ABCA13: variants seen among roughly 807,000 people sequenced by gnomAD.
ABCA13 encodes the protein ATP binding cassette subfamily A member 13, also known as ATP-binding cassette sub-family A member 13.
ABCA13 carries 476 observed loss-of-function variants against 478.7 expected under a neutral mutation model. The ratio of observed to expected loss-of-function variants is 0.99; its 90% CI spans 0.92 to 1.07. The LOEUF is 1.07. Ranked by LOEUF, ABCA13 falls within the 50% of genes least tolerant of loss-of-function variation. The pLI, the probability that ABCA13 is intolerant of heterozygous loss-of-function variation, is 0.00. For synonymous variants in ABCA13, 2,252 were observed against 2,158.9 expected (o/e 1.04, Z -1.20); for missense variants, 6,060 against 5,910.6 (o/e 1.03, Z -0.83).
At position 48,240,995 on chromosome 7, in the gene ABCA13, C is replaced by A; in HGVS notation, c.1191C>A (p.His397Gln). The change falls in exon 10 of 62, where the codon CAC becomes CAA. Residue 397 changes from histidine (H) to glutamine (Q), a missense_variant. Physicochemically the swap from His to Gln is conservative, Grantham distance 24 (BLOSUM62 0). Around this residue, in one of 3 missense-constraint regions of ABCA13, gnomAD observed 4,423 missense variants for 4,309.1 expected, o/e 1.03. Transcript: ENST00000435803. ...CCTGGAAGGTGGTGGAAGCTCTGCA[C>A]ACTGCACTGCTCCTGCTGAATGACA... ...SKPWKVVEAL[H>Q]TALLLLNDSL... 6.2e-7 allele frequency: 1 copy of A among 1,614,030 alleles called. No individual in the cohort carries two copies. The highest frequency in any genetic ancestry group is 8.5e-7 in the Non-Finnish European group (1 of 1,179,876).
At chr7:48,398,700 G>A (rs1817189143) in intron 38 of ABCA13, among the ~76,000 whole-genome samples, 1 of 152,130 alleles carries the variant, frequency 6.6e-6, no homozygotes, top group Non-Finnish European at 1.5e-5. Flanking sequence ...TGTAGTTAAC[G>A]TTACTACTTA....
intron 35 of ABCA13, among the ~76,000 whole-genome samples, chr7:48,381,453 A>AGTGACCCTGTGAGT (rs1248507406): frequency 2.0e-5 from 3 of 151,982 alleles, no homozygotes; most frequent in African/African-American, 7.3e-5. Flanking sequence ...TTTGTTATAA[A>AGTGACCCTGTGAGT]GTGACCCTGT....
intron 55 of ABCA13, among the ~76,000 whole-genome samples, chr7:48,554,956 A>G (rs1785658554): frequency 6.6e-6 from 1 of 151,660 alleles, no homozygotes; most frequent in Non-Finnish European, 1.5e-5. Context: ...TCCCTCATTC[A>G]GTGTGATACT....
chr7:48,580,143 A>G lies in ABCA13; in HGVS notation c.14355-81A>G, dbSNP rs111642413. ...TTAAATAAACTGCAGTGGACTTGTTATTGATGAGCCACATTTTAAAAATGG... is the reference window on the plus strand; with the variant it reads ...TTAAATAAACTGCAGTGGACTTGTTGTTGATGAGCCACATTTTAAAAATGG... On this transcript the variant is annotated intron_variant, in intron 55 of 61. Transcript: ENST00000435803. 3.2e-4 allele frequency: 455 copies of G among 1,404,024 alleles called. 1 individual carries two copies. The African/African-American group carries it at 5.8e-3, about 18-fold the overall frequency. The allele number at this position is 1,404,024 out of a possible 1,614,324, so 87.0% of individuals were successfully genotyped here. A position where few individuals can be genotyped will look rare whatever the true frequency, so the allele number is the denominator to read the frequency against.
At chr7:48,423,195 C>T (rs950770488) in intron 41 of ABCA13, among the ~76,000 whole-genome samples, 1 of 152,198 alleles carries the variant, frequency 6.6e-6, no homozygotes, top group African/African-American at 2.4e-5. Flanking sequence ...TTGCTAGTAC[C>T]TCTAGTGTTT....
At chr7:48,358,168 G>T (rs1472414495) in intron 31 of ABCA13, among the ~76,000 whole-genome samples, 1 of 113,134 alleles carries the variant, frequency 8.8e-6, no homozygotes, top group African/African-American at 3.0e-5. Context: ...AAAAAAGAAA[G>T]GACAGGACAG....
chr7:48,512,332 G>A (rs182897414), intron 51 of ABCA13, among the ~76,000 whole-genome samples: 1 of 152,146 alleles, frequency 6.6e-6, no homozygotes, highest in African/African-American at 2.4e-5. Context: ...ACAATGACTG[G>A]TACAAAATTC....
intron 1 of ABCA13, among the ~76,000 whole-genome samples, chr7:48,172,791 C>G: frequency 1.1e-5 from 1 of 89,100 alleles, no homozygotes; most frequent in Non-Finnish European, 1.9e-5. Flanking sequence ...GAGCGAGACT[C>G]CGTCTCAAAA....
intron 59 of ABCA13, among the ~76,000 whole-genome samples, chr7:48,629,167 T>C (rs1793935014): frequency 6.6e-6 from 1 of 152,204 alleles, no homozygotes; most frequent in South Asian, 2.1e-4. Context: ...TTGGCAATAT[T>C]GTGCTGTCAC....
intron 45 of ABCA13, among the ~76,000 whole-genome samples, chr7:48,479,688 C>T (rs1318033444): frequency 6.6e-6 from 1 of 152,160 alleles, no homozygotes; most frequent in East Asian, 1.9e-4. Context: ...ACTCTCTGTT[C>T]CTATGAGTTT....
intron 8 of ABCA13, among the ~76,000 whole-genome samples, chr7:48,234,646 T>A (rs946395323): frequency 2.0e-5 from 3 of 152,244 alleles, no homozygotes; most frequent in African/African-American, 7.2e-5. Context: ...GGAGTTGGAC[T>A]GGATGATCGA....
intron 24 of ABCA13, 62 bp downstream of exon 24, chr7:48,310,203 T>C: frequency 9.8e-6 from 15 of 1,529,544 alleles, no homozygotes; most frequent in Non-Finnish European, 1.3e-5. Context: ...TGGCTGCAGA[T>C]AAGTACAGTA....
chr7:48,195,509 C>G (rs145611619), intron 2 of ABCA13, among the ~76,000 whole-genome samples: 7 of 152,042 alleles, frequency 4.6e-5, no homozygotes, highest in Admixed American at 2.6e-4. Context: ...GACAGGGAGG[C>G]CTTTGACTGG....
intron 56 of ABCA13, among the ~76,000 whole-genome samples, chr7:48,581,245 T>C (rs1355428248): frequency 6.6e-6 from 1 of 152,200 alleles, no homozygotes; most frequent in African/African-American, 2.4e-5. Flanking sequence ...ACAAAACTAA[T>C]AGCCTTCGCC....
At position 48,278,749 on chromosome 7, in the gene ABCA13, A is replaced by G. The variant is rs774773048; in HGVS notation, c.7555A>G (p.Met2519Val). ...TGACCTGAGAGATCTTGCCACATCAATGGACTCCATTGTGAAACTTCTTAA... is the reference window on the plus strand; with the variant it reads ...TGACCTGAGAGATCTTGCCACATCAGTGGACTCCATTGTGAAACTTCTTAA... Reference protein sequence around the residue: ...SADLRDLATSMDSIVKLLKLV... With the variant: ...SADLRDLATSVDSIVKLLKLV... The change falls in exon 18 of 62, where the codon ATG becomes GTG. Residue 2519 changes from methionine to valine, a missense_variant. Met to Val is a conservative substitution (Grantham distance 21). Around this residue, in one of 3 missense-constraint regions of ABCA13, gnomAD observed 4,423 missense variants for 4,309.1 expected, o/e 1.03. Coordinates refer to ENST00000435803, the MANE Select transcript of ABCA13 (RefSeq NM_152701.5). The G allele has an allele frequency of 5.5e-5, 88 of 1,613,846 alleles. No individual in the cohort carries two copies. The highest frequency in any genetic ancestry group is 1.7e-4 in the Admixed American group (10 of 60,008).
chr7:48,178,899 A>G (rs886544288), intron 1 of ABCA13, among the ~76,000 whole-genome samples: 1 of 150,438 alleles, frequency 6.6e-6, no homozygotes, highest in Non-Finnish European at 1.5e-5. Flanking sequence ...AGAAAATTAC[A>G]AGATCATCAA....
chr7:48,391,223 A>G (rs1815996800), intron 37 of ABCA13, among the ~76,000 whole-genome samples: 1 of 152,168 alleles, frequency 6.6e-6, no homozygotes. Flanking sequence ...TGTTTTGCTT[A>G]TATTTAATGA....
rs759620319 is a variant in ABCA13, at chr7:48,273,845, A to T, written c.4179A>T (p.Gly1393=). The T allele has an allele frequency of 6.2e-7, 1 of 1,612,456 alleles. No individual in the cohort carries two copies. Among genetic ancestry groups the T allele is most frequent in the Admixed American group, 1.7e-5 (1 of 59,838 alleles). Residue 1393 remains glycine, a synonymous_variant, in exon 17 of 62, where the codon GGA becomes GGT. Coordinates refer to ENST00000435803, the MANE Select transcript of ABCA13 (RefSeq NM_152701.5). ...SSENTISSLK[G]CIVWLDVINH... The stretch of plus-strand genomic sequence containing the variant: ...AGAACACAATTAGCAGTCTGAAAGG[A>T]TGCATTGTATGGTTAGATGTCATAA...
At chr7:48,401,063 T>C (rs1817537083) in intron 38 of ABCA13, among the ~76,000 whole-genome samples, 1 of 152,186 alleles carries the variant, frequency 6.6e-6, no homozygotes, top group Non-Finnish European at 1.5e-5. Context: ...GTGCTAGTGG[T>C]TAAATGCAGT....
Sources: allele counts gnomAD v4.1 joint callset (sites outside exome capture counted in the v4.1 genomes callset), GRCh38; gene constraint gnomAD v4.1.1; regional missense constraint gnomAD v4.1.1; transcripts MANE v1.5; gene names NCBI Gene and HGNC (gene_info 2026-07-23, HGNC 2026-07-21).